Variants in PLA2G4C observed in about 807,000 individuals in gnomAD.
PLA2G4C encodes cytosolic phospholipase A2 gamma.
PLA2G4C carries 64 observed loss-of-function variants against 73.8 expected under a neutral mutation model. The observed-to-expected ratio is 0.87, with a 90% CI of 0.71 to 1.07. The LOEUF is 1.07. PLA2G4C is among the 50% of genes least tolerant of loss of function. The probability of loss-of-function intolerance (pLI) is 0.00; values close to 1 mark genes in which losing one functional copy is unlikely to be tolerated. For missense variants in PLA2G4C, 622 were observed against 665.4 expected (o/e 0.93, Z 0.72); for synonymous variants, 254 against 252.1 (o/e 1.01, Z -0.07).
chr19:48,083,704 C>T (rs2030794586), intron 10 of PLA2G4C, among the ~76,000 whole-genome samples: 1 of 152,046 alleles, frequency 6.6e-6, no homozygotes. Context: ...ACCTCAGCCT[C>T]CCAAAGTGCT....
chr19:48,101,397 A>G (rs2031914610), intron 4 of PLA2G4C, among the ~76,000 whole-genome samples: 1 of 151,830 alleles, frequency 6.6e-6, no homozygotes, highest in Non-Finnish European at 1.5e-5. Flanking sequence ...AGCTTCCCAA[A>G]ATGCTGGGAT....
intron 10 of PLA2G4C, 88 bp from the exon 11 acceptor site, chr19:48,077,912 A>G (rs2030277361): frequency 9.2e-7 from 1 of 1,090,558 alleles, no homozygotes; most frequent in South Asian, 1.4e-5. Context: ...CGTCTCTTTA[A>G]TAGAAATGGC....
At chr19:48,053,849 G>T (rs1967824063) in intron 15 of PLA2G4C, among the ~76,000 whole-genome samples, 1 of 152,172 alleles carries the variant, frequency 6.6e-6, no homozygotes, top group East Asian at 1.9e-4. Context: ...CCCACTGTGG[G>T]AAGTGGCACA....
intron 12 of PLA2G4C, 188 bp from the exon 13 acceptor site, chr19:48,068,074 C>A (rs73050101): frequency 0.1 from 58,317 of 570,774 alleles, 3,562 homozygotes; most frequent in East Asian, 0.23. Context: ...GAGGCCGAGG[C>A]AGAAGGATCA....
rs763637485 is a variant in PLA2G4C, at chr19:48,110,530, G to GGGC, written c.-77_-76insGCC. On this transcript the variant is annotated 5_prime_UTR_variant, in exon 1 of 17. Transcript: ENST00000599921. Reference sequence around the variant, plus strand: ...CGTGTGCGCATGCGCGGTGGAGCTTGTGCTCCGGAATCCGGTGCGGAGGCT... The same window carrying GGGC: ...CGTGTGCGCATGCGCGGTGGAGCTTGGGCTGCTCCGGAATCCGGTGCGGAGGCT... 204 of 1,534,340 alleles carry GGGC rather than the reference G, an allele frequency of 1.3e-4. 5 individuals are homozygous for GGGC. In the African/African-American group the frequency reaches 2.4e-3, roughly 18 times the overall value.
intron 1 of PLA2G4C, 115 bp from the exon 2 acceptor site, chr19:48,106,676 C>G (rs2032252766): frequency 1.3e-6 from 1 of 765,266 alleles, no homozygotes; most frequent in Non-Finnish European, 2.3e-6. Flanking sequence ...ACTGCCCAGA[C>G]AAAACCAATG....
At chr19:48,058,647 GTC>G (rs1305525325) in intron 14 of PLA2G4C, among the ~76,000 whole-genome samples, 3 of 151,780 alleles carry the variant, frequency 2.0e-5, no homozygotes, top group African/African-American at 7.3e-5. Context: ...GCAAAACCCC[GTC>G]TCTACTAAAA....
chr19:48,068,783 G>A (rs955717084), intron 12 of PLA2G4C, among the ~76,000 whole-genome samples: 4 of 151,572 alleles, frequency 2.6e-5, no homozygotes, highest in African/African-American at 4.8e-5. Flanking sequence ...CCAAGAATGC[G>A]TGTGCACTGA....
At chr19:48,055,944 T>G (rs1002720143) in intron 14 of PLA2G4C, among the ~76,000 whole-genome samples, 32 of 152,274 alleles carry the variant, frequency 2.1e-4, no homozygotes, top group African/African-American at 7.7e-4. Flanking sequence ...TTTTCAATTG[T>G]CTACTTGCTG....
At chr19:48,098,285 G>A in intron 5 of PLA2G4C, 26 bp from the exon 6 acceptor site, 1 of 1,593,526 alleles carries the variant, frequency 6.3e-7, no homozygotes, top group East Asian at 2.3e-5. Context: ...CCAAGACAGT[G>A]TGAGGGAGGC....
At chr19:48,074,661 G>A in intron 12 of PLA2G4C, 106 bp downstream of exon 12, 1 of 773,658 alleles carries the variant, frequency 1.3e-6, no homozygotes, top group Admixed American at 1.8e-5. Context: ...GGGACATCTG[G>A]TCATGTCCCC....
intron 7 of PLA2G4C, among the ~76,000 whole-genome samples, chr19:48,091,439 C>T (rs1047316268): frequency 6.6e-5 from 10 of 152,214 alleles, no homozygotes; most frequent in Admixed American, 3.9e-4. Flanking sequence ...CTGCCCGCCT[C>T]GGCCTCCCAC....
rs2031534781 is a variant in PLA2G4C, at chr19:48,095,733, G to A, written c.569-129C>T. On this transcript the variant is annotated intron_variant, in intron 6 of 16. Transcript: ENST00000599921. ...GGAGAATGTTAGAGATGGACTGTGT[G>A]GTATCAGAAACCACTGGGGATCTCA... 2.9e-5 allele frequency: 29 copies of A among 990,586 alleles called. No individual in the cohort carries two copies. The Middle Eastern group carries it at 2.7e-3, about 94-fold the overall frequency. 61.4% of individuals were successfully genotyped at this position (990,586 alleles called of 1,614,324 possible).
At chr19:48,100,847 G>A (rs1338231795) in intron 4 of PLA2G4C, among the ~76,000 whole-genome samples, 1 of 148,436 alleles carries the variant, frequency 6.7e-6, no homozygotes, top group African/African-American at 2.5e-5. Flanking sequence ...CCGGGAGGCT[G>A]AGCTTGCAGT....
chr19:48,075,706 G>A (rs916225930), intron 11 of PLA2G4C, among the ~76,000 whole-genome samples: 3 of 152,100 alleles, frequency 2.0e-5, no homozygotes, highest in Non-Finnish European at 4.4e-5. Flanking sequence ...CAAATCAAGA[G>A]GGCTCCACCC....
In PLA2G4C at chr19:48,072,308, G is replaced by A. The variant is rs1402250226; in HGVS notation, c.1006+2459C>T. ...GGAATCCTCCCACCTCAGCCTCCCC[G>A]AATAGCTGGGACTACAGGTGCACGC... On this transcript the variant is annotated intron_variant, in intron 12 of 16. Transcript: ENST00000599921. This position sits in a 1 kb window ranked among gnomAD's most constrained non-coding sequence, Gnocchi z 4.4. 2.6e-5 allele frequency: 4 copies of A among 152,210 alleles called. No individual in the cohort carries two copies. The highest frequency in any genetic ancestry group is 4.4e-5 in the Non-Finnish European group (3 of 68,130). 9.4% of individuals were successfully genotyped at this position (152,210 alleles called of 1,614,324 possible).
chr19:48,090,240 G>T, intron 8 of PLA2G4C, 124 bp downstream of exon 8: 1 of 758,678 alleles, frequency 1.3e-6, no homozygotes, highest in Non-Finnish European at 2.3e-6. Flanking sequence ...ATAAATGTCA[G>T]GAAAAGCAGT....
At chr19:48,098,363 T>A in intron 5 of PLA2G4C, 104 bp from the exon 6 acceptor site, 2 of 1,087,228 alleles carry the variant, frequency 1.8e-6, no homozygotes, top group Non-Finnish European at 2.6e-6. Flanking sequence ...TCTCAGTCTG[T>A]CACCCAGGCT....
chr19:48,103,513 T>C (rs1275587390), intron 4 of PLA2G4C: 2 of 141,506 alleles, frequency 1.4e-5, no homozygotes, highest in Non-Finnish European at 2.9e-5. Flanking sequence ...GCCTCTGCCC[T>C]GCCTATCTCA....
Sources: allele counts gnomAD v4.1 joint callset (sites outside exome capture counted in the v4.1 genomes callset), GRCh38; gene constraint gnomAD v4.1.1; non-coding constraint Gnocchi (gnomAD v3.1); transcripts MANE v1.5; gene names NCBI Gene and HGNC (gene_info 2026-07-23, HGNC 2026-07-21).